Variants in CHM observed in about 807,000 individuals in gnomAD.
CHM encodes the protein rab proteins geranylgeranyltransferase component A 1.
In CHM, 10 loss-of-function variants were observed where a neutral mutation model predicts 49.0. The ratio of observed to expected loss-of-function variants is 0.20; its 90% CI spans 0.13 to 0.35. The LOEUF (loss-of-function observed/expected upper bound fraction) is 0.35, where lower values mean the gene tolerates loss of function less well. Ranked by LOEUF, CHM falls within the 10% of genes least tolerant of loss-of-function variation. The pLI is 1.00. For missense variants in CHM, 455 were observed against 478.4 expected (o/e 0.95, Z 0.46); for synonymous variants, 184 against 167.5 (o/e 1.10, Z -0.76).
At chrX:85,961,342 C>T (rs1286616506) in intron 5 of CHM, among the ~76,000 whole-genome samples, 1 of 104,885 alleles carries the variant, frequency 9.5e-6, no homozygotes, top group Non-Finnish European at 1.9e-5. Flanking sequence ...ATCACTTGAA[C>T]CCAGGAGACG....
chrX:85,963,814 T>C lies in CHM; in HGVS notation c.553A>G (p.Lys185Glu), dbSNP rs1930423133. Residue 185 changes from lysine to glutamate, a missense_variant, in exon 5 of 15, where the codon AAA becomes GAA. Coordinates refer to ENST00000357749, the MANE Select transcript of CHM (RefSeq NM_000390.4). ...GCTGAAGTTGATGGCACACAAGTTT[T>C]ATCATCACAATGGTTTTCTTTTTCC... Reference protein sequence around the residue: ...TGEKENHCDDKTCVPSTSAED... With the variant: ...TGEKENHCDDETCVPSTSAED... The C allele has an allele frequency of 8.3e-7, 1 of 1,212,063 alleles. No homozygotes were observed. The highest frequency in any genetic ancestry group is 1.1e-6 in the Non-Finnish European group (1 of 895,605).
chrX:86,002,921 A>C lies in CHM; in HGVS notation c.117-21112T>G, dbSNP rs1416510052. ...TGGGGTTTGAGCTCTGAGAACGAACAGACTGCCTCCTTAAGTGGGTCCCTG... is the reference window on the plus strand; with the variant it reads ...TGGGGTTTGAGCTCTGAGAACGAACCGACTGCCTCCTTAAGTGGGTCCCTG... On this transcript the variant is annotated intron_variant, in intron 2 of 14. Transcript: ENST00000357749. Among the ~76,000 whole-genome samples the C allele has an allele frequency of 8.9e-5, 10 of 112,369 alleles. No individual in the cohort carries two copies. In the Admixed American group the frequency reaches 9.4e-4, roughly 11 times the overall value.
chrX:86,020,488 T>A (rs1227045028), intron 2 of CHM, among the ~76,000 whole-genome samples: 2 of 107,784 alleles, frequency 1.9e-5, no homozygotes, highest in Non-Finnish European at 3.8e-5. Context: ...GTAAGTATAC[T>A]GCAAATATTA....
chrX:86,003,710 G>A (rs746539310), intron 2 of CHM, among the ~76,000 whole-genome samples: 2 of 111,664 alleles, frequency 1.8e-5, no homozygotes, highest in Admixed American at 1.9e-4. Flanking sequence ...CAAGGTTAGA[G>A]AAAAAAGAGT....
At chrX:86,019,050 C>G (rs757306024) in intron 2 of CHM, among the ~76,000 whole-genome samples, 30 of 111,531 alleles carry the variant, frequency 2.7e-4, no homozygotes, top group Non-Finnish European at 4.9e-4. Context: ...TAAAAGGTAA[C>G]AGTAGCTGCT....
Position 85,958,947 on chromosome X carries a change from G to T in CHM, c.733C>A (p.Leu245Ile), listed in dbSNP as rs1198760905. Residue 245 changes from leucine (L) to isoleucine (I), a missense_variant, in exon 6 of 15, where the codon CTT becomes ATT. By Grantham distance (5) the Leu-to-Ile change is conservative. Transcript: ENST00000357749. Reference sequence around the variant, plus strand: ...CGACTAACATTAGATTTGATTAGAAGATCAATTAGTAATCCTCGAGAATAC... The same window carrying T: ...CGACTAACATTAGATTTGATTAGAATATCAATTAGTAATCCTCGAGAATAC... Reference protein sequence around the residue: ...LLYSRGLLIDLLIKSNVSRYA... With the variant: ...LLYSRGLLIDILIKSNVSRYA... 8.3e-7 allele frequency: 1 copy of T among 1,209,100 alleles called. No homozygotes were observed. The highest frequency in any genetic ancestry group is 1.8e-5 in the African/African-American group (1 of 57,075).
intron 8 of CHM, among the ~76,000 whole-genome samples, chrX:85,922,673 C>T (rs1180740501): frequency 8.9e-6 from 1 of 112,284 alleles, no homozygotes. Flanking sequence ...ATGTGTATCA[C>T]TTTCATACCA....
chrX:85,927,729 T>A (rs965168713), intron 8 of CHM, among the ~76,000 whole-genome samples: 1 of 112,066 alleles, frequency 8.9e-6, no homozygotes, highest in Admixed American at 9.5e-5. Context: ...TACCAACATG[T>A]ACTGAATTTC....
chrX:85,864,308 G>T lies in CHM; in HGVS notation c.*322C>A. 4.1e-6 allele frequency: 1 copy of T among 245,123 alleles called. No homozygotes were observed. The highest frequency in any genetic ancestry group is 7.4e-6 in the Non-Finnish European group (1 of 135,656). 20.2% of individuals were successfully genotyped at this position (245,123 alleles called of 1,213,427 possible). On this transcript the variant is annotated 3_prime_UTR_variant, in exon 15 of 15. Coordinates refer to ENST00000357749, the MANE Select transcript of CHM (RefSeq NM_000390.4). Reference sequence around the variant, plus strand: ...AAGATCCAAAGTGGTAAGCAAAATTGTCCTAAGACCATGGAATTATTAACA... The same window carrying T: ...AAGATCCAAAGTGGTAAGCAAAATTTTCCTAAGACCATGGAATTATTAACA...
chrX:85,918,361 G>T (rs1332289229), intron 8 of CHM, among the ~76,000 whole-genome samples: 2 of 111,636 alleles, frequency 1.8e-5, no homozygotes, highest in East Asian at 5.6e-4. Flanking sequence ...AAATGCTAAG[G>T]GAATTCGTTA....
At chrX:86,000,140 G>A (rs1932629740) in intron 2 of CHM, among the ~76,000 whole-genome samples, 1 of 110,241 alleles carries the variant, frequency 9.1e-6, no homozygotes. Flanking sequence ...AATATTCAAT[G>A]TTTCCAAGTA....
At chrX:85,920,296 C>T (rs963293267) in intron 8 of CHM, among the ~76,000 whole-genome samples, 7 of 110,119 alleles carry the variant, frequency 6.4e-5, no homozygotes, top group African/African-American at 2.3e-4. Context: ...CGGGGTTTCA[C>T]CGTGTTAGCC....
In CHM at chrX:85,981,732, T is replaced by C. The variant is rs757833413; in HGVS notation, c.189+5A>G. 35 of 1,174,210 alleles carry C rather than the reference T, an allele frequency of 3.0e-5. No homozygotes were observed. The highest frequency in any genetic ancestry group is 4.7e-4 in the Middle Eastern group (2 of 4,272). On this transcript the variant is annotated splice_donor_5th_base_variant and intron_variant, in intron 3 of 14. Coordinates refer to ENST00000357749, the MANE Select transcript of CHM (RefSeq NM_000390.4). The stretch of plus-strand genomic sequence containing the variant: ...GCAAATTAAAAGGTCAGATACAAAC[T>C]TTACCTGGTATTCCTTTAGCCAGGA...
At chrX:85,996,710 A>G (rs1402444563) in intron 2 of CHM, among the ~76,000 whole-genome samples, 1 of 111,765 alleles carries the variant, frequency 8.9e-6, no homozygotes, top group African/African-American at 3.3e-5. Context: ...GGACAAAGGA[A>G]AGAGAACTCA....
intron 11 of CHM, among the ~76,000 whole-genome samples, chrX:85,899,685 C>CA (rs1273142700): frequency 2.1e-3 from 143 of 67,121 alleles, no homozygotes; most frequent in African/African-American, 8.1e-3. Context: ...AACCCACCCC[C>CA]CGCCCCAAAA....
intron 3 of CHM, among the ~76,000 whole-genome samples, chrX:85,980,091 A>T (rs1931511480): frequency 8.9e-6 from 1 of 111,766 alleles, no homozygotes. Flanking sequence ...AAACATTTTT[A>T]TTTGAATAAA....
chrX:86,013,830 T>C (rs1033824918), intron 2 of CHM, among the ~76,000 whole-genome samples: 31 of 110,243 alleles, frequency 2.8e-4, no homozygotes, highest in African/African-American at 9.5e-4. Context: ...CTAGAAGCCA[T>C]TGAGATAAAA....
chrX:85,903,112 C>T (rs1009646013), intron 9 of CHM, among the ~76,000 whole-genome samples: 1 of 111,488 alleles, frequency 9.0e-6, no homozygotes, highest in Non-Finnish European at 1.9e-5. Flanking sequence ...CTGCAATTCA[C>T]AGTCAAATGC....
intron 8 of CHM, among the ~76,000 whole-genome samples, chrX:85,912,485 T>C (rs938684356): frequency 9.0e-6 from 1 of 111,617 alleles, no homozygotes; most frequent in Non-Finnish European, 1.9e-5. Context: ...AAAATGGGTA[T>C]GCTTAGGGTG....
Sources: allele counts gnomAD v4.1 joint callset (sites outside exome capture counted in the v4.1 genomes callset), GRCh38; gene constraint gnomAD v4.1.1; transcripts MANE v1.5; gene names NCBI Gene and HGNC (gene_info 2026-07-23, HGNC 2026-07-21).